IKZF1: variants seen among roughly 807,000 people sequenced by gnomAD.
IKZF1 encodes the protein IKAROS family zinc finger 1, also known as DNA-binding protein Ikaros.
IKZF1 carries 10 observed loss-of-function variants against 51.7 expected under a neutral mutation model. The ratio of observed to expected loss-of-function variants is 0.19; its 90% CI spans 0.12 to 0.33. The LOEUF (loss-of-function observed/expected upper bound fraction) is 0.33. Among genes scored for constraint, IKZF1 ranks in the 10% least tolerant of loss-of-function variants. IKZF1 has a pLI of 1.00. For synonymous variants in IKZF1, 280 were observed against 282.3 expected, an observed-to-expected ratio of 0.99 and a Z score of 0.08; for missense variants, 484 against 707.5, an observed-to-expected ratio of 0.68 and a Z score of 3.58.
intron 2 of IKZF1, among the ~76,000 whole-genome samples, chr7:50,323,745 A>G (rs1490549777): frequency 3.9e-5 from 6 of 152,194 alleles, no homozygotes; most frequent in Non-Finnish European, 5.9e-5. Flanking sequence ...GTTCTTAGGA[A>G]AAGTGTGGGA....
At chr7:50,320,149 G>A (rs1792779378) in intron 2 of IKZF1, among the ~76,000 whole-genome samples, 1 of 152,182 alleles carries the variant, frequency 6.6e-6, no homozygotes, top group South Asian at 2.1e-4. Context: ...TTCTTTTAGA[G>A]TGAGGCTTCG....
intron 3 of IKZF1, among the ~76,000 whole-genome samples, chr7:50,343,011 C>A (rs1403280763): frequency 6.6e-6 from 1 of 151,958 alleles, no homozygotes. Context: ...CTTTTTCCTT[C>A]CTTCCTGTCT....
intron 3 of IKZF1, among the ~76,000 whole-genome samples, chr7:50,335,775 G>T (rs1797627177): frequency 6.6e-6 from 1 of 151,942 alleles, no homozygotes; most frequent in Non-Finnish European, 1.5e-5. Context: ...GTGTGTCTGT[G>T]GTGTATGTGT....
intron 3 of IKZF1, chr7:50,368,550 C>G (rs191660592): frequency 1.8e-6 from 1 of 563,500 alleles, no homozygotes; most frequent in Non-Finnish European, 3.1e-6. Context: ...GCCTCCAGGC[C>G]GTTATTCTGT....
At chr7:50,339,933 G>A (rs1798685389) in intron 3 of IKZF1, among the ~76,000 whole-genome samples, 1 of 152,102 alleles carries the variant, frequency 6.6e-6, no homozygotes, top group Non-Finnish European at 1.5e-5. Context: ...AAAAATATTA[G>A]CCCATGCAAT....
chr7:50,387,513 C>G lies in IKZF1; in HGVS notation c.715+43C>G, dbSNP rs150440917. 754 of 1,570,708 alleles carry G rather than the reference C, an allele frequency of 4.8e-4. 4 individuals carry two copies. In the East Asian group the frequency reaches 0.013, roughly 27 times the overall value. Reference sequence around the variant, plus strand: ...GAGGCCAGCCTGGTGGGCTCTCCCCCCAGCACGGTGGGGAAGGAGGGCGCT... The same window carrying G: ...GAGGCCAGCCTGGTGGGCTCTCCCCGCAGCACGGTGGGGAAGGAGGGCGCT... On this transcript the variant is annotated intron_variant, in intron 6 of 7. Coordinates refer to ENST00000331340, the MANE Select transcript of IKZF1 (RefSeq NM_006060.6).
In IKZF1 at chr7:50,364,333, C is replaced by T. The variant is rs140186487; in HGVS notation, c.161-12200C>T. ...AATAGGATTCAGAATCCAAGGTGTT[C>T]GCAGCATTTTATATGAAAATGTGCC... On this transcript the variant is annotated intron_variant, in intron 3 of 7. Coordinates refer to ENST00000331340, the MANE Select transcript of IKZF1 (RefSeq NM_006060.6). Among the ~76,000 whole-genome samples the T allele has an allele frequency of 2.0e-3, 298 of 152,232 alleles. 2 individuals carry two copies. Among genetic ancestry groups the T allele is most frequent in the African/African-American group, 6.7e-3 (278 of 41,544 alleles).
rs1039414078 is a variant in IKZF1 at position 50,376,143 on chromosome 7, C to T, written c.161-390C>T. The stretch of plus-strand genomic sequence containing the variant: ...GATTGTGTGACCCAGAACCCACCCT[C>T]TAGGGCAAGGTGCCCATCTGATGGG... On this transcript the variant is annotated intron_variant, in intron 3 of 7. Coordinates refer to ENST00000331340, the MANE Select transcript of IKZF1 (RefSeq NM_006060.6). This position sits in a 1 kb window ranked among gnomAD's most constrained non-coding sequence, Gnocchi z 4.5. Among the ~76,000 whole-genome samples the T allele has an allele frequency of 1.3e-5, 2 of 152,250 alleles. No homozygotes were observed. The highest frequency in any genetic ancestry group is 2.9e-5 in the Non-Finnish European group (2 of 68,040).
chr7:50,346,390 G>T (rs1800370273), intron 3 of IKZF1, among the ~76,000 whole-genome samples: 1 of 152,290 alleles, frequency 6.6e-6, no homozygotes, highest in South Asian at 2.1e-4. Flanking sequence ...AGCCAGCCCT[G>T]CAGATGTCTG....
intron 7 of IKZF1, among the ~76,000 whole-genome samples, chr7:50,399,646 A>C (rs1318943382): frequency 1.1e-4 from 16 of 152,226 alleles, no homozygotes; most frequent in Admixed American, 8.5e-4. Context: ...CATTTATCCA[A>C]CAAAATCTCC....
At chr7:50,327,341 A>G (rs1476364228) in intron 2 of IKZF1, 1 of 220,404 alleles carries the variant, frequency 4.5e-6, no homozygotes, top group East Asian at 9.4e-5. Flanking sequence ...TTGAAAAACA[A>G]AATAATGTCA....
Position 50,399,956 on chromosome 7 carries a change from G to T in IKZF1, c.889G>T (p.Ala297Ser), listed in dbSNP as rs2153517575. The change falls in exon 8 of 8, where the codon GCC becomes TCC. Residue 297 changes from alanine (A) to serine (S), a missense_variant. Physicochemically the swap from Ala to Ser is moderately conservative, Grantham distance 99. Around this residue, in one of 6 missense-constraint regions of IKZF1, gnomAD observed 172 missense variants for 192.7 expected, o/e 0.89. Coordinates refer to ENST00000331340, the MANE Select transcript of IKZF1 (RefSeq NM_006060.6). ...GTCCGACACGCCCTACGACAGCAGCGCCAGCTACGAGAAGGAGAACGAAAT... is the reference window on the plus strand; with the variant it reads ...GTCCGACACGCCCTACGACAGCAGCTCCAGCTACGAGAAGGAGAACGAAAT... ...GLSDTPYDSSASYEKENEMMK... is the reference protein window; with the variant it reads ...GLSDTPYDSSSSYEKENEMMK... 10 of 1,613,294 alleles carry T rather than the reference G, an allele frequency of 6.2e-6. No homozygotes were observed. The South Asian group carries it at 1.1e-4, about 18-fold the overall frequency.
At chr7:50,344,228 G>T (rs1342351964) in intron 3 of IKZF1, among the ~76,000 whole-genome samples, 1 of 152,210 alleles carries the variant, frequency 6.6e-6, no homozygotes, top group East Asian at 1.9e-4. Flanking sequence ...GACATGTAAA[G>T]TGGTATTTCA....
chr7:50,321,271 TAAACAAAAAAGCACAA>T (rs1793201069), intron 2 of IKZF1, among the ~76,000 whole-genome samples: 1 of 152,178 alleles, frequency 6.6e-6, no homozygotes, highest in South Asian at 2.1e-4. Context: ...CTTTGTTTCG[TAAACAAAAAAGCACAA>T]AAACAAAAAA....
In IKZF1 at chr7:50,304,930, T is replaced by C. The variant is rs1788412695; in HGVS notation, c.-15+8T>C. On this transcript the variant is annotated splice_region_variant and intron_variant, in intron 1 of 7. Coordinates refer to ENST00000331340, the MANE Select transcript of IKZF1 (RefSeq NM_006060.6). ...CGCGACGCACAAATCCACGTGAGTG[T>C]TTTCAAATTGAATTTCAATAGGAAA... 6.6e-6 allele frequency: 1 copy of C among 152,436 alleles called. No individual in the cohort carries two copies. The highest frequency in any genetic ancestry group is 1.5e-5 in the Non-Finnish European group (1 of 67,972). The allele number at this position is 152,436 out of a possible 1,614,324, so 9.4% of individuals were successfully genotyped here. A position where few individuals can be genotyped will look rare whatever the true frequency, so the allele number is the denominator to read the frequency against.
intron 2 of IKZF1, among the ~76,000 whole-genome samples, chr7:50,325,570 G>A (rs549700502): frequency 2.0e-4 from 30 of 152,124 alleles, no homozygotes; most frequent in African/African-American, 4.3e-4. Flanking sequence ...TCAGGAGATC[G>A]AGACCATCTT....
At chr7:50,318,524 A>G in intron 1 of IKZF1, 1 of 225,328 alleles carries the variant, frequency 4.4e-6, no homozygotes. Context: ...TTCATTATTG[A>G]TGGAGGTAGT....
upstream of IKZF1, chr7:50,304,385 G>A (rs1322773153): frequency 6.7e-6 from 1 of 150,056 alleles, no homozygotes; most frequent in Non-Finnish European, 1.5e-5. Flanking sequence ...AGCCGGCTGC[G>A]GGGCAGGTCG....
intron 2 of IKZF1, among the ~76,000 whole-genome samples, chr7:50,326,346 C>T (rs1795012241): frequency 6.6e-6 from 1 of 152,256 alleles, no homozygotes; most frequent in South Asian, 2.1e-4. Context: ...AGCAGGCACA[C>T]TCTCCCAGGC....
Sources: allele counts gnomAD v4.1 joint callset (sites outside exome capture counted in the v4.1 genomes callset), GRCh38; gene constraint gnomAD v4.1.1; regional missense constraint gnomAD v4.1.1; non-coding constraint Gnocchi (gnomAD v3.1); transcripts MANE v1.5; gene names NCBI Gene and HGNC (gene_info 2026-07-23, HGNC 2026-07-21).